The following LRRC7 variants were observed in gnomAD, a reference collection of about 807,000 sequenced individuals.
The protein encoded by LRRC7 is leucine rich repeat containing 7.
LRRC7 carries 23 observed loss-of-function variants against 175.7 expected under a neutral mutation model. That is an observed-to-expected ratio of 0.13 (90% CI 0.09 to 0.19). The LOEUF (loss-of-function observed/expected upper bound fraction) is 0.19. LRRC7 is among the 10% of genes least tolerant of loss of function. LRRC7 has a pLI of 1.00. For missense variants in LRRC7, 1,354 were observed against 1,904.7 expected (o/e 0.71, Z 5.38); for synonymous variants, 685 against 680.9 (o/e 1.01, Z -0.09).
intron 7 of LRRC7, among the ~76,000 whole-genome samples, chr1:69,900,204 A>G (rs894779435): frequency 2.6e-5 from 4 of 152,176 alleles, no homozygotes; most frequent in African/African-American, 9.7e-5. Context: ...TACTGATAGG[A>G]GTCTGTTGCC....
At chr1:69,713,781 C>T (rs967212587) in intron 2 of LRRC7, among the ~76,000 whole-genome samples, 1 of 151,296 alleles carries the variant, frequency 6.6e-6, no homozygotes, top group Non-Finnish European at 1.5e-5. Flanking sequence ...GGTTTGAATT[C>T]TGGGGAATAG....
rs141412405 is a variant in LRRC7 at position 69,616,908 on chromosome 1, A to G, written c.2+48267A>G. ...TCAATGTTTTGAATATACTACTGGA[A>G]AGTGAGAGGAACGTATGTTCATAAA... is the stretch of plus-strand genomic sequence containing the variant. On this transcript the variant is annotated intron_variant, in intron 1 of 26. Transcript: ENST00000651989. Among the ~76,000 whole-genome samples the G allele has an allele frequency of 7.3e-3, 1,110 of 152,220 alleles. 10 individuals carry two copies. Among genetic ancestry groups the G allele is most frequent in the African/African-American group, 0.025 (1,040 of 41,552 alleles).
chr1:69,884,664 T>C (rs1204842450), intron 7 of LRRC7, among the ~76,000 whole-genome samples: 23 of 139,112 alleles, frequency 1.7e-4, no homozygotes, highest in Middle Eastern at 3.4e-3. Context: ...TGAATAGGAG[T>C]GGTGAGAGAG....
rs879037252 is a variant in LRRC7 at position 70,076,183 on chromosome 1, T to C, written c.4337T>C (p.Phe1446Ser). The C allele has an allele frequency of 6.2e-7, 1 of 1,613,970 alleles. No homozygotes were observed. The change falls in exon 24 of 27, where the codon TTT becomes TCT. Residue 1446 changes from phenylalanine to serine, a missense_variant. By Grantham distance (155) the Phe-to-Ser change is radical. Around this residue, in one of 4 missense-constraint regions of LRRC7, gnomAD observed 1,032 missense variants for 1,227.2 expected, o/e 0.84. Coordinates refer to ENST00000651989, the MANE Select transcript of LRRC7 (RefSeq NM_001370785.2). ...GNINKVTIQQ[F>S]QSPLPIQIPS... Reference sequence around the variant, plus strand: ...ATAAACAAAGTGACCATCCAGCAATTTCAGTCACCATTGCCTATTCAGATC... The same window carrying C: ...ATAAACAAAGTGACCATCCAGCAATCTCAGTCACCATTGCCTATTCAGATC...
At chr1:69,996,160 G>A (rs1431882259) in intron 11 of LRRC7, among the ~76,000 whole-genome samples, 51 of 151,410 alleles carry the variant, frequency 3.4e-4, no homozygotes, top group East Asian at 3.3e-3. Flanking sequence ...GCCAGTGATG[G>A]TGAGCATTTT....
At chr1:69,692,155 A>G (rs748826557) in intron 2 of LRRC7, among the ~76,000 whole-genome samples, 56 of 152,316 alleles carry the variant, frequency 3.7e-4, no homozygotes, top group Non-Finnish European at 2.6e-4. Context: ...CTCCTGCTAC[A>G]AAACTTACAG....
intron 23 of LRRC7, among the ~76,000 whole-genome samples, chr1:70,058,427 C>G (rs543183451): frequency 2.6e-5 from 4 of 152,296 alleles, no homozygotes; most frequent in African/African-American, 9.6e-5. Flanking sequence ...TATATGAATA[C>G]TTTAAGAACT....
intron 7 of LRRC7, among the ~76,000 whole-genome samples, chr1:69,916,281 C>T (rs12026016): frequency 0.56 from 72,741 of 130,380 alleles, 20,311 homozygotes; most frequent in East Asian, 0.7. Context: ...AAATATATAT[C>T]ATATATATTA....
chr1:69,634,591 C>T (rs903871298), intron 1 of LRRC7, among the ~76,000 whole-genome samples: 1 of 152,082 alleles, frequency 6.6e-6, no homozygotes, highest in African/African-American at 2.4e-5. Context: ...TCCGGATAAG[C>T]AGATGCTCAC....
chr1:69,885,564 C>A (rs895453896), intron 7 of LRRC7, among the ~76,000 whole-genome samples: 10 of 129,512 alleles, frequency 7.7e-5, no homozygotes, highest in Admixed American at 4.6e-4. Context: ...TTGCAAAAAA[C>A]CAGCTCCTGG....
intron 8 of LRRC7, among the ~76,000 whole-genome samples, chr1:69,962,104 A>G (rs1158091408): frequency 6.6e-6 from 1 of 152,224 alleles, no homozygotes; most frequent in Non-Finnish European, 1.5e-5. Context: ...ACAAAAGTCT[A>G]ATATCCAGCA....
chr1:70,032,395 T>TAA (rs569370875), intron 18 of LRRC7, among the ~76,000 whole-genome samples: 46 of 145,350 alleles, frequency 3.2e-4, no homozygotes, highest in Non-Finnish European at 5.6e-4. Context: ...TTCTTTATCT[T>TAA]AAAAAAAAAA....
intron 8 of LRRC7, among the ~76,000 whole-genome samples, chr1:69,958,365 C>T (rs1245695047): frequency 6.6e-6 from 1 of 151,904 alleles, no homozygotes; most frequent in Non-Finnish European, 1.5e-5. Context: ...TTTCAGTGCC[C>T]TATCAGAGTG....
chr1:69,572,925 T>C (rs1645795321), intron 1 of LRRC7, among the ~76,000 whole-genome samples: 1 of 152,082 alleles, frequency 6.6e-6, no homozygotes, highest in South Asian at 2.1e-4. Context: ...ATGTATATTA[T>C]ATAATGGTGT....
At chr1:69,937,813 A>T (rs1250431792) in intron 8 of LRRC7, among the ~76,000 whole-genome samples, 1 of 151,972 alleles carries the variant, frequency 6.6e-6, no homozygotes, top group African/African-American at 2.4e-5. Flanking sequence ...AAAAGCAGTC[A>T]ATCAGAGAAG....
Position 69,720,847 on chromosome 1 carries a change from T to C in LRRC7, c.101-39344T>C, listed in dbSNP as rs147376880. ...TATTTTTAAATATTTTTACTTATGATAAAATACTCATAACATAAAAGTTAC... is the reference window on the plus strand; with the variant it reads ...TATTTTTAAATATTTTTACTTATGACAAAATACTCATAACATAAAAGTTAC... On this transcript the variant is annotated intron_variant, in intron 2 of 26. Coordinates refer to ENST00000651989, the MANE Select transcript of LRRC7 (RefSeq NM_001370785.2). Among the ~76,000 whole-genome samples, 1,169 of 151,910 alleles carry C rather than the reference T, an allele frequency of 7.7e-3. 21 individuals are homozygous for C. The highest frequency in any genetic ancestry group is 0.027 in the African/African-American group (1,101 of 41,538).
chr1:69,628,584 C>A (rs1160173244), intron 1 of LRRC7, among the ~76,000 whole-genome samples: 1 of 152,078 alleles, frequency 6.6e-6, no homozygotes, highest in Non-Finnish European at 1.5e-5. Context: ...TAATCCCAAT[C>A]AAAATATCAT....
At chr1:69,924,976 C>G (rs1394735627) in intron 7 of LRRC7, among the ~76,000 whole-genome samples, 2 of 152,126 alleles carry the variant, frequency 1.3e-5, no homozygotes, top group Non-Finnish European at 2.9e-5. Flanking sequence ...TACATCCCAT[C>G]AATACCTAAT....
chr1:70,124,024 G>A lies in LRRC7; in HGVS notation c.*2137G>A, dbSNP rs184511252. Reference sequence around the variant, plus strand: ...ATCCTTCTAAGACACACAGCTGAAAGGATCATAATCCTAGTAAACACCTCT... The same window carrying A: ...ATCCTTCTAAGACACACAGCTGAAAAGATCATAATCCTAGTAAACACCTCT... On this transcript the variant is annotated 3_prime_UTR_variant, in exon 27 of 27. Transcript: ENST00000651989. Among the ~76,000 whole-genome samples, 7 of 152,258 alleles carry A rather than the reference G, an allele frequency of 4.6e-5. No individual in the cohort carries two copies. The East Asian group carries it at 1.4e-3, about 29-fold the overall frequency.
Sources: allele counts gnomAD v4.1 joint callset (sites outside exome capture counted in the v4.1 genomes callset), GRCh38; gene constraint gnomAD v4.1.1; regional missense constraint gnomAD v4.1.1; transcripts MANE v1.5; gene names NCBI Gene and HGNC (gene_info 2026-07-23, HGNC 2026-07-21).